Variants in SEMA3E observed in about 807,000 individuals in gnomAD.
SEMA3E encodes semaphorin 3E.
SEMA3E carries 49 observed loss-of-function variants against 93.6 expected under a neutral mutation model. The ratio of observed to expected loss-of-function variants is 0.52; its 90% confidence interval spans 0.42 to 0.66. The LOEUF is 0.66. SEMA3E is among the 30% of genes least tolerant of loss of function. The probability of loss-of-function intolerance (pLI) is 0.00; values close to 1 mark genes in which losing one functional copy is unlikely to be tolerated. For synonymous variants in SEMA3E, 363 were observed against 330.7 expected (o/e 1.10, Z -1.06); for missense variants, 906 against 964.8 (o/e 0.94, Z 0.81).
chr7:83,573,677 A>G lies in SEMA3E; in HGVS notation c.115+74751T>C, dbSNP rs554240343. ...GGGCATTTCAGATTACTTAATATCT[A>G]TTGTGTAAGTTTCCTTGCCTTACCT... On this transcript the variant is annotated intron_variant, in intron 1 of 16. Coordinates refer to ENST00000643230, the MANE Select transcript of SEMA3E (RefSeq NM_012431.3). Among the ~76,000 whole-genome samples, 8 of 152,044 alleles carry G rather than the reference A, an allele frequency of 5.3e-5. No homozygotes were observed. The South Asian group carries it at 6.2e-4, about 12-fold the overall frequency.
chr7:83,518,701 C>T (rs926071542), intron 1 of SEMA3E, among the ~76,000 whole-genome samples: 7 of 151,982 alleles, frequency 4.6e-5, no homozygotes, highest in African/African-American at 1.7e-4. Flanking sequence ...TTAATGGAGG[C>T]CTTTTCTCTG....
intron 14 of SEMA3E, among the ~76,000 whole-genome samples, chr7:83,392,310 G>A (rs1342522678): frequency 3.3e-5 from 5 of 152,032 alleles, no homozygotes; most frequent in African/African-American, 1.2e-4. Flanking sequence ...GTGGTGGCTT[G>A]TCGTTTCCAC....
intron 1 of SEMA3E, among the ~76,000 whole-genome samples, chr7:83,580,304 CA>C (rs1011324961): frequency 3.9e-5 from 6 of 152,088 alleles, no homozygotes; most frequent in African/African-American, 1.4e-4. Flanking sequence ...TCTTCTACTA[CA>C]AACTAAGTAA....
chr7:83,445,136 C>T lies in SEMA3E; in HGVS notation c.456+21346G>A, dbSNP rs574287927. Among the ~76,000 whole-genome samples the T allele has an allele frequency of 8.5e-5, 13 of 152,220 alleles. No homozygotes were observed. The South Asian group carries it at 1.7e-3, about 19-fold the overall frequency. ...AGGCTGTAGGTAACAATAACCAGTC[C>T]GTTTCAACAAAGTGATAGATGCACC... On this transcript the variant is annotated intron_variant, in intron 4 of 16. Coordinates refer to ENST00000643230, the MANE Select transcript of SEMA3E (RefSeq NM_012431.3).
intron 1 of SEMA3E, among the ~76,000 whole-genome samples, chr7:83,635,756 A>C (rs1253191061): frequency 1.3e-5 from 2 of 152,036 alleles, no homozygotes; most frequent in Non-Finnish European, 2.9e-5. Context: ...ACTAAGTAGA[A>C]TGATAAAACA....
chr7:83,510,505 T>G (rs961314286), intron 1 of SEMA3E, among the ~76,000 whole-genome samples: 1 of 152,262 alleles, frequency 6.6e-6, no homozygotes, highest in South Asian at 2.1e-4. Flanking sequence ...TATACTAATA[T>G]AGTGTACTTG....
At chr7:83,443,883 T>C (rs1172768818) in intron 4 of SEMA3E, among the ~76,000 whole-genome samples, 2 of 150,158 alleles carry the variant, frequency 1.3e-5, no homozygotes, top group African/African-American at 4.9e-5. Flanking sequence ...ATAACTAGGT[T>C]AAGTTAAATA....
chr7:83,419,356 C>T (rs1026377072), intron 4 of SEMA3E, among the ~76,000 whole-genome samples: 1 of 152,164 alleles, frequency 6.6e-6, no homozygotes, highest in Non-Finnish European at 1.5e-5. Context: ...CTGCAATGAA[C>T]ATATGAGTGA....
At chr7:83,403,330 G>A (rs1788266532) in intron 9 of SEMA3E, among the ~76,000 whole-genome samples, 2 of 151,724 alleles carry the variant, frequency 1.3e-5, no homozygotes, top group Admixed American at 6.6e-5. Context: ...TAATATGCTT[G>A]TATATTCCTT....
intron 1 of SEMA3E, among the ~76,000 whole-genome samples, chr7:83,638,713 AGGTAATATG>A (rs1244032803): frequency 6.6e-6 from 1 of 152,158 alleles, no homozygotes; most frequent in Non-Finnish European, 1.5e-5. Flanking sequence ...TAAATGAAAA[AGGTAATATG>A]AGCTTGAGGC....
chr7:83,417,417 GGAGA>G (rs1254390849), intron 5 of SEMA3E, among the ~76,000 whole-genome samples: 2 of 152,054 alleles, frequency 1.3e-5, no homozygotes, highest in African/African-American at 4.8e-5. Flanking sequence ...TTAATCATCA[GGAGA>G]GAGTTTTAAG....
At chr7:83,462,294 T>G (rs1428794114) in intron 4 of SEMA3E, 2 of 152,192 alleles carry the variant, frequency 1.3e-5, no homozygotes, top group Non-Finnish European at 2.9e-5. Flanking sequence ...CTTGCCTCCA[T>G]AACTGTTGTG....
intron 4 of SEMA3E, among the ~76,000 whole-genome samples, chr7:83,446,657 T>G (rs1789236991): frequency 6.6e-6 from 1 of 152,230 alleles, no homozygotes; most frequent in Admixed American, 6.5e-5. Context: ...ACTCTCTACG[T>G]GACCCTTCAT....
At chr7:83,445,279 G>T (rs770471798) in intron 4 of SEMA3E, among the ~76,000 whole-genome samples, 3 of 152,192 alleles carry the variant, frequency 2.0e-5, no homozygotes, top group Admixed American at 2.0e-4. Flanking sequence ...AAGTAAGCTT[G>T]AGGCAAAATT....
chr7:83,635,063 T>C (rs778428352), intron 1 of SEMA3E, among the ~76,000 whole-genome samples: 1 of 152,068 alleles, frequency 6.6e-6, no homozygotes. Context: ...TAGTACTCAT[T>C]CTAACCAATT....
At chr7:83,447,740 C>T (rs1267765957) in intron 4 of SEMA3E, among the ~76,000 whole-genome samples, 1 of 152,140 alleles carries the variant, frequency 6.6e-6, no homozygotes, top group Admixed American at 6.5e-5. Context: ...ATGGAAAATG[C>T]TGGAGACGAT....
chr7:83,633,850 C>A (rs3801577), intron 1 of SEMA3E, among the ~76,000 whole-genome samples: 49,005 of 151,962 alleles, frequency 0.32, 9,610 homozygotes, highest in African/African-American at 0.55. Context: ...TGGGGAGTCC[C>A]AGAAGTGAAA....
intron 1 of SEMA3E, among the ~76,000 whole-genome samples, chr7:83,569,299 CAT>C: frequency 9.0e-6 from 1 of 111,170 alleles, no homozygotes; most frequent in Non-Finnish European, 1.7e-5. Context: ...ATACTCATCC[CAT>C]AGACAAGACA....
intron 1 of SEMA3E, among the ~76,000 whole-genome samples, chr7:83,580,308 C>T (rs935439498): frequency 3.9e-5 from 6 of 152,082 alleles, no homozygotes; most frequent in African/African-American, 1.4e-4. Context: ...CTACTACAAA[C>T]TAAGTAATAT....
Sources: allele counts gnomAD v4.1 joint callset (sites outside exome capture counted in the v4.1 genomes callset), GRCh38; gene constraint gnomAD v4.1.1; transcripts MANE v1.5; gene names NCBI Gene and HGNC (gene_info 2026-07-23, HGNC 2026-07-21).